ZSCAN4: variants seen among roughly 807,000 people sequenced by gnomAD.
The protein encoded by ZSCAN4 is zinc finger and SCAN domain-containing protein 4.
A neutral mutation model predicts 18.3 loss-of-function variants in ZSCAN4; 18 were observed. The ratio of observed to expected loss-of-function variants is 0.98; its 90% confidence interval spans 0.68 to 1.46. The LOEUF (loss-of-function observed/expected upper bound fraction) is 1.46. ZSCAN4 is among the 40% of genes most tolerant of loss of function. The probability of loss-of-function intolerance (pLI) is 0.00; values close to 1 mark genes in which losing one functional copy is unlikely to be tolerated. For missense variants in ZSCAN4, 498 were observed against 511.4 expected (o/e 0.97, Z 0.25); for synonymous variants, 193 against 180.3 (o/e 1.07, Z -0.57).
At chr19:57,664,892 G>A (rs564819730), upstream of ZSCAN4, 2 of 158,002 alleles carry the variant, frequency 1.3e-5, no homozygotes. Flanking sequence ...ACGCCAAAAA[G>A]GAAAGTCCTT....
chr19:57,677,130 G>T (rs528345755), intron 3 of ZSCAN4, among the ~76,000 whole-genome samples: 1 of 152,310 alleles, frequency 6.6e-6, no homozygotes, highest in Non-Finnish European at 1.5e-5. Flanking sequence ...ACAAGAGCTT[G>T]TTCTTCTGTC....
the ZSCAN4 span, among the ~76,000 whole-genome samples, chr19:57,662,572 T>C: frequency 1.3e-5 from 2 of 152,230 alleles, no homozygotes; most frequent in South Asian, 4.1e-4. Context: ...TGTCTGTTTT[T>C]GTTTTTTGAG....
At chr19:57,660,080 T>C in the ZSCAN4 span, among the ~76,000 whole-genome samples, 2 of 152,308 alleles carry the variant, frequency 1.3e-5, no homozygotes, top group Admixed American at 1.3e-4. Context: ...AGATGTCCTT[T>C]CCACACCTGT....
At chr19:57,676,775 T>C (rs1042161529) in intron 3 of ZSCAN4, among the ~76,000 whole-genome samples, 1 of 152,196 alleles carries the variant, frequency 6.6e-6, no homozygotes, top group Non-Finnish European at 1.5e-5. Flanking sequence ...GCCAAACATA[T>C]TGATGTTTGA....
the ZSCAN4 span, among the ~76,000 whole-genome samples, chr19:57,663,019 AC>A: frequency 1.1e-5 from 1 of 88,278 alleles, no homozygotes; most frequent in Non-Finnish European, 2.3e-5. Context: ...TCTGCCCCTC[AC>A]CCCCCACCCC....
the ZSCAN4 span, among the ~76,000 whole-genome samples, chr19:57,656,310 C>A: frequency 6.6e-6 from 1 of 152,306 alleles, no homozygotes; most frequent in East Asian, 1.9e-4. Flanking sequence ...CCCTCATACA[C>A]CCAGGAGGAA....
At chr19:57,676,671 C>A in intron 3 of ZSCAN4, 130 bp downstream of exon 3, 3 of 1,031,650 alleles carry the variant, frequency 2.9e-6, no homozygotes, top group South Asian at 1.8e-5. Flanking sequence ...CACACTCTCC[C>A]ACCATTCTCA....
the ZSCAN4 span, among the ~76,000 whole-genome samples, chr19:57,653,360 C>G: frequency 4.0e-4 from 57 of 143,920 alleles, no homozygotes; most frequent in African/African-American, 1.6e-3. Context: ...GCAATCCAGC[C>G]TGGGTGACAG....
chr19:57,678,799 C>T (rs771147421), exon 5 of ZSCAN4: 2 of 1,614,140 alleles, frequency 1.2e-6, no homozygotes, highest in Non-Finnish European at 8.5e-7. Flanking sequence ...TATACATGTC[C>T]CTTTTGTAAG....
chr19:57,658,352 G>A, the ZSCAN4 span, among the ~76,000 whole-genome samples: 2 of 152,198 alleles, frequency 1.3e-5, no homozygotes, highest in East Asian at 3.8e-4. Context: ...GCAAAGGGCA[G>A]AAGAGTACAT....
At chr19:57,654,114 CA>C in the ZSCAN4 span, among the ~76,000 whole-genome samples, 2 of 152,182 alleles carry the variant, frequency 1.3e-5, no homozygotes, top group South Asian at 2.1e-4. Flanking sequence ...GTTCTTCCAT[CA>C]CTATTTTAGG....
chr19:57,677,895 G>A lies in ZSCAN4; in HGVS notation c.397-19G>A. ...ACACAACAGATTCAGATACAACAGT[G>A]ATCTGGCTTTCTTTACAGGTCCACG... On this transcript the variant is annotated intron_variant, in intron 3 of 4. Transcript: ENST00000318203. 6.6e-7 allele frequency: 1 copy of A among 1,517,068 alleles called. No homozygotes were observed. Among genetic ancestry groups the A allele is most frequent in the East Asian group, 2.3e-5 (1 of 43,672 alleles). The allele number at this position is 1,517,068 out of a possible 1,614,324, so 94.0% of individuals were successfully genotyped here. A position where few individuals can be genotyped will look rare whatever the true frequency, so the allele number is the denominator to read the frequency against.
chr19:57,677,102 T>A (rs1984210001), intron 3 of ZSCAN4, among the ~76,000 whole-genome samples: 1 of 152,166 alleles, frequency 6.6e-6, no homozygotes, highest in Admixed American at 6.5e-5. Flanking sequence ...ACATCAAGGT[T>A]GAGGAAGAAA....
the ZSCAN4 span, among the ~76,000 whole-genome samples, chr19:57,657,164 G>A: frequency 6.6e-6 from 1 of 151,302 alleles, no homozygotes; most frequent in Admixed American, 6.6e-5. Context: ...GCTGAGGCAG[G>A]AGAATTGCTT....
intron 2 of ZSCAN4, among the ~76,000 whole-genome samples, chr19:57,674,797 A>T (rs1984126453): frequency 6.6e-6 from 1 of 152,204 alleles, no homozygotes; most frequent in Admixed American, 6.5e-5. Context: ...TACTCTTTGT[A>T]AACAAAATCA....
chr19:57,655,463 C>G, the ZSCAN4 span, among the ~76,000 whole-genome samples: 8 of 152,178 alleles, frequency 5.3e-5, no homozygotes, highest in African/African-American at 7.2e-5. Context: ...TTGTATATCT[C>G]TCAAAACAAC....
At chr19:57,667,773 A>G (rs985298719), upstream of ZSCAN4, among the ~76,000 whole-genome samples, 3 of 152,166 alleles carry the variant, frequency 2.0e-5, no homozygotes, top group Non-Finnish European at 4.4e-5. Context: ...TACAGAGCTC[A>G]AGGAACTCCT....
chr19:57,678,852 A>G (rs969257463), exon 5 of ZSCAN4: 4 of 1,612,320 alleles, frequency 2.5e-6, no homozygotes, highest in Non-Finnish European at 3.4e-6. Context: ...CCATATGAGG[A>G]CTCATGAGAA....
chr19:57,668,076 A>G (rs1322111574), upstream of ZSCAN4, among the ~76,000 whole-genome samples: 1 of 151,398 alleles, frequency 6.6e-6, no homozygotes, highest in Non-Finnish European at 1.5e-5. Flanking sequence ...TAATTTTTGT[A>G]TTTTTTTAGT....
Sources: allele counts gnomAD v4.1 joint callset (sites outside exome capture counted in the v4.1 genomes callset), GRCh38; gene constraint gnomAD v4.1.1; transcripts MANE v1.5; gene names NCBI Gene and HGNC (gene_info 2026-07-23, HGNC 2026-07-21).